Variants in TIMD4 observed in about 807,000 individuals in gnomAD.
TIMD4 encodes T-cell immunoglobulin and mucin domain-containing protein 4.
Under a neutral mutation model 41.2 loss-of-function variants are expected in TIMD4, and 31 were observed. The observed-to-expected ratio is 0.75, with a 90% CI of 0.57 to 1.01. TIMD4 has a LOEUF of 1.01. Ranked by LOEUF, TIMD4 falls within the 50% of genes least tolerant of loss-of-function variation. The pLI is 0.00. For missense variants in TIMD4, 479 were observed against 472.5 expected (o/e 1.01, Z -0.13); for synonymous variants, 204 against 177.1 (o/e 1.15, Z -1.21).
At chr5:156,943,121 C>T (rs1167166005) in intron 5 of TIMD4, among the ~76,000 whole-genome samples, 1 of 152,152 alleles carries the variant, frequency 6.6e-6, no homozygotes, top group Non-Finnish European at 1.5e-5. Context: ...TGATCAGGAA[C>T]AGCCAGTTAT....
intron 5 of TIMD4, among the ~76,000 whole-genome samples, chr5:156,940,437 C>T (rs1351772837): frequency 1.3e-5 from 2 of 151,318 alleles, no homozygotes; most frequent in African/African-American, 4.9e-5. Flanking sequence ...ATGTGAGGAG[C>T]CCCTCTGCCC....
chr5:156,925,386 A>T (rs1311741136), intron 6 of TIMD4, among the ~76,000 whole-genome samples: 2 of 152,170 alleles, frequency 1.3e-5, no homozygotes, highest in African/African-American at 4.8e-5. Flanking sequence ...ATTGACCAAG[A>T]TATGCTCTCT....
At chr5:156,949,117 G>A (rs965547182) in intron 4 of TIMD4, among the ~76,000 whole-genome samples, 8 of 152,288 alleles carry the variant, frequency 5.3e-5, no homozygotes, top group East Asian at 1.9e-4. Context: ...GATGCCAATC[G>A]TGTCTTATTT....
intron 5 of TIMD4, among the ~76,000 whole-genome samples, chr5:156,932,754 C>T (rs57933358): frequency 2.2e-4 from 34 of 152,322 alleles, no homozygotes; most frequent in African/African-American, 8.2e-4. Context: ...CGCCTGTAAT[C>T]CCAGCACTTT....
At chr5:156,945,636 T>C (rs1467273631) in intron 5 of TIMD4, among the ~76,000 whole-genome samples, 2 of 152,234 alleles carry the variant, frequency 1.3e-5, no homozygotes, top group African/African-American at 4.8e-5. Context: ...GAAAGAATTT[T>C]ATTTCTATCT....
chr5:156,934,210 G>A (rs895268434), intron 5 of TIMD4, among the ~76,000 whole-genome samples: 7 of 152,162 alleles, frequency 4.6e-5, no homozygotes, highest in East Asian at 3.8e-4. Flanking sequence ...CTCTTACTAT[G>A]TGCCAGGCAC....
intron 3 of TIMD4, among the ~76,000 whole-genome samples, 196 bp from the exon 4 acceptor site, chr5:156,949,927 C>G (rs901148205): frequency 7.9e-5 from 12 of 152,170 alleles, no homozygotes; most frequent in Non-Finnish European, 1.3e-4. Context: ...AAGAGATTCT[C>G]CTGCCTCAGC....
rs573814473 is a variant in TIMD4 at position 156,949,275 on chromosome 5, AAAG to A, written c.760+373_760+375del. On this transcript the variant is annotated intron_variant, in intron 4 of 8. Coordinates refer to ENST00000274532, the MANE Select transcript of TIMD4 (RefSeq NM_138379.3). ...TAGTAAACCCCTCAGCAGTCTCAAC[AAAG>A]AAGATTTGCGTGCATGAAATCAGAA... Among the ~76,000 whole-genome samples, 42 of 152,332 alleles carry A rather than the reference AAAG, an allele frequency of 2.8e-4. No homozygotes were observed. The South Asian group carries it at 2.9e-3, about 11-fold the overall frequency.
intron 5 of TIMD4, among the ~76,000 whole-genome samples, chr5:156,937,929 T>C (rs556977640): frequency 6.6e-6 from 1 of 152,352 alleles, no homozygotes; most frequent in East Asian, 1.9e-4. Context: ...TGAAATCAAG[T>C]GCATCCAATT....
rs55729181 is a variant in TIMD4, at chr5:156,945,126, T to A, written c.844+3290A>T. Among the ~76,000 whole-genome samples, 534 of 152,296 alleles carry A rather than the reference T, an allele frequency of 3.5e-3. 2 individuals are homozygous for A. Among genetic ancestry groups the A allele is most frequent in the African/African-American group, 0.012 (507 of 41,554 alleles). On this transcript the variant is annotated intron_variant, in intron 5 of 8. Coordinates refer to ENST00000274532, the MANE Select transcript of TIMD4 (RefSeq NM_138379.3). ...CTGAAGTGGGTTGGAAGGGTTTTCA[T>A]GTGAATGAAGATGTAGTCTTATTCT...
intron 5 of TIMD4, among the ~76,000 whole-genome samples, chr5:156,939,267 A>C (rs558105476): frequency 2.0e-5 from 3 of 152,294 alleles, no homozygotes; most frequent in Admixed American, 2.0e-4. Flanking sequence ...CGTGGACCTT[A>C]TAATAGAATC....
intron 2 of TIMD4, 61 bp downstream of exon 2, chr5:156,954,354 C>T: frequency 6.7e-7 from 1 of 1,486,296 alleles, no homozygotes; most frequent in South Asian, 1.3e-5. Context: ...TCCACTGATC[C>T]CATTGTCCAT....
rs148564157 is a variant in TIMD4, at chr5:156,951,546, G to A, written c.645C>T (p.Pro215=). 1.9e-5 allele frequency: 31 copies of A among 1,614,158 alleles called. No homozygotes were observed. The highest frequency in any genetic ancestry group is 2.2e-5 in the South Asian group (2 of 91,074). Residue 215 remains proline, a synonymous_variant, in exon 3 of 9, where the codon CCC becomes CCT. Transcript: ENST00000274532. ...GGATGGGCCCTTCCTTAGAAGGCTC[G>A]GGAGTCAGAAGACCTGTGGCTTCCT... is the stretch of plus-strand genomic sequence containing the variant. The part of the protein sequence containing the change: ...LPEEATGLLT[P]EPSKEGPILT...
At chr5:156,942,828 G>C (rs1759672252) in intron 5 of TIMD4, among the ~76,000 whole-genome samples, 1 of 152,158 alleles carries the variant, frequency 6.6e-6, no homozygotes, top group Non-Finnish European at 1.5e-5. Flanking sequence ...AGCCTCAATA[G>C]ATTGAGCAAC....
chr5:156,945,113 G>C (rs1759716429), intron 5 of TIMD4, among the ~76,000 whole-genome samples: 5 of 152,184 alleles, frequency 3.3e-5, no homozygotes, highest in Admixed American at 2.6e-4. Flanking sequence ...GAAGTGGGTT[G>C]GAAGGGTTTT....
chr5:156,947,639 C>T lies in TIMD4; in HGVS notation c.844+777G>A, dbSNP rs150191833. 3.7e-4 allele frequency among the ~76,000 whole-genome samples: 57 copies of T among 152,196 alleles called. No individual in the cohort carries two copies. The East Asian group carries it at 0.01, about 27-fold the overall frequency. The stretch of plus-strand genomic sequence containing the variant: ...TACATAGATTAAAGAAGAAAGTGGT[C>T]CAATATATAACAATAAGTGAATAAA... On this transcript the variant is annotated intron_variant, in intron 5 of 8. Coordinates refer to ENST00000274532, the MANE Select transcript of TIMD4 (RefSeq NM_138379.3).
intron 5 of TIMD4, among the ~76,000 whole-genome samples, chr5:156,932,367 T>C (rs1379906754): frequency 6.6e-6 from 1 of 152,196 alleles, no homozygotes; most frequent in Non-Finnish European, 1.5e-5. Context: ...TATGTGAAAC[T>C]TTGAAGACAG....
At chr5:156,951,158 G>A (rs1289899127) in intron 3 of TIMD4, among the ~76,000 whole-genome samples, 1 of 152,056 alleles carries the variant, frequency 6.6e-6, no homozygotes, top group Non-Finnish European at 1.5e-5. Context: ...AAGGTAAAAT[G>A]AGGTCATATC....
Position 156,936,622 on chromosome 5 carries a change from T to C in TIMD4, c.845-10310A>G, listed in dbSNP as rs183034319. The stretch of plus-strand genomic sequence containing the variant: ...TTGGAAAATGTGGCAAGATGAGTGC[T>C]GGAGAGTGAATACAATGGGAAGAGT... On this transcript the variant is annotated intron_variant, in intron 5 of 8. Coordinates refer to ENST00000274532, the MANE Select transcript of TIMD4 (RefSeq NM_138379.3). Among the ~76,000 whole-genome samples, 602 of 152,060 alleles carry C rather than the reference T, an allele frequency of 4.0e-3. 7 individuals are homozygous for C. Among genetic ancestry groups the C allele is most frequent in the African/African-American group, 0.013 (531 of 41,496 alleles).
Sources: gnomAD v4.1 joint callset for allele counts (sites outside exome capture counted in the v4.1 genomes callset) on GRCh38, gnomAD v4.1.1 for gene constraint, MANE v1.5 for transcripts, NCBI Gene and HGNC (gene_info 2026-07-23, HGNC 2026-07-21) for gene names.